Variants in RUFY3 observed in about 807,000 individuals in gnomAD.
The protein encoded by RUFY3 is RUN and FYVE domain containing 3.
A neutral mutation model predicts 84.0 loss-of-function variants in RUFY3; 34 were observed. The ratio of observed to expected loss-of-function variants is 0.40; its 90% CI spans 0.31 to 0.54. The LOEUF (loss-of-function observed/expected upper bound fraction) is 0.54. Among genes scored for constraint, RUFY3 ranks in the 20% least tolerant of loss-of-function variants. The pLI, the probability that RUFY3 is intolerant of heterozygous loss-of-function variation, is 0.39. For synonymous variants in RUFY3, 242 were observed against 252.9 expected, an observed-to-expected ratio of 0.96 and a Z score of 0.41; for missense variants, 507 against 736.8, an observed-to-expected ratio of 0.69 and a Z score of 3.61.
intron 1 of RUFY3, among the ~76,000 whole-genome samples, chr4:70,757,492 T>C (rs1009142930): frequency 1.4e-4 from 22 of 151,778 alleles, no homozygotes; most frequent in African/African-American, 5.3e-4. Context: ...TAATCCCAGA[T>C]ACTTGGGAGG....
At position 70,722,036 on chromosome 4, in the gene RUFY3, C is replaced by G; in HGVS notation, c.-538C>G. ...GCCAATCCTATGAGAACTCAGCATCCCAGCTCATCTGAGCAGATCCTGGAA... is the reference window on the plus strand; with the variant it reads ...GCCAATCCTATGAGAACTCAGCATCGCAGCTCATCTGAGCAGATCCTGGAA... On this transcript the variant is annotated 5_prime_UTR_variant, in exon 1 of 18. Coordinates refer to ENST00000381006, the MANE Select transcript of RUFY3 (RefSeq NM_001037442.4). 1 of 1,232,176 alleles carries G rather than the reference C, an allele frequency of 8.1e-7. No individual in the cohort carries two copies. Among genetic ancestry groups the G allele is most frequent in the East Asian group, 3.2e-5 (1 of 31,710 alleles). 76.3% of individuals were successfully genotyped at this position (1,232,176 alleles called of 1,614,324 possible). A position where few individuals can be genotyped will look rare whatever the true frequency, so the allele number is the denominator to read the frequency against.
At chr4:70,743,277 G>T (rs1242321785) in intron 1 of RUFY3, among the ~76,000 whole-genome samples, 1 of 151,878 alleles carries the variant, frequency 6.6e-6, no homozygotes. Context: ...TCAACATGTT[G>T]GCCAGGCTGG....
chr4:70,738,893 C>G (rs1720848175), intron 1 of RUFY3, among the ~76,000 whole-genome samples: 1 of 151,840 alleles, frequency 6.6e-6, no homozygotes, highest in Admixed American at 6.6e-5. Flanking sequence ...CTGTTTCAGT[C>G]TGTCAAGTAG....
rs1472818738 is a variant in RUFY3 at position 70,722,232 on chromosome 4, G to C, written c.-342G>C. 6 of 1,229,882 alleles carry C rather than the reference G, an allele frequency of 4.9e-6. No individual in the cohort carries two copies. Among genetic ancestry groups the C allele is most frequent in the Non-Finnish European group, 5.1e-6 (5 of 987,520 alleles). The allele number at this position is 1,229,882 out of a possible 1,614,324, so 76.2% of individuals were successfully genotyped here. On this transcript the variant is annotated 5_prime_UTR_variant, in exon 1 of 18. Transcript: ENST00000381006. Reference sequence around the variant, plus strand: ...CAGCTAAGGCAGCATCAGCTGTGCGGGATTTAAAGCCTATAGCTCAGCTGA... The same window carrying C: ...CAGCTAAGGCAGCATCAGCTGTGCGCGATTTAAAGCCTATAGCTCAGCTGA...
At chr4:70,768,497 A>ATAG in intron 4 of RUFY3, 41 bp from the exon 5 acceptor site, 1 of 1,598,650 alleles carries the variant, frequency 6.3e-7, no homozygotes, top group Non-Finnish European at 8.5e-7. Context: ...GATTTTTGAG[A>ATAG]TTTTTGTTAC....
intron 1 of RUFY3, among the ~76,000 whole-genome samples, chr4:70,715,160 G>A (rs995035798): frequency 1.3e-5 from 2 of 152,154 alleles, no homozygotes; most frequent in Admixed American, 6.5e-5. Context: ...TTGTGGTTCT[G>A]GGAAAGGAGG....
chr4:70,775,233 A>G lies in RUFY3; in HGVS notation c.824A>G (p.Asn275Ser), dbSNP rs1727732557. ...NYVEELNRHL[N>S]ATVNNLQAKV... The stretch of plus-strand genomic sequence containing the variant: ...GTAGAAGAACTGAACAGACATTTGA[A>G]GTAAATAATGAATAAATATATTACT... The change falls in exon 7 of 18, where the codon AAT (asparagine) becomes AGT (serine). Residue 275 changes from asparagine to serine, a missense_variant and splice_region_variant. Transcript: ENST00000381006. 1 of 1,570,216 alleles carries G rather than the reference A, an allele frequency of 6.4e-7. No individual in the cohort carries two copies. Among genetic ancestry groups the G allele is most frequent in the Non-Finnish European group, 8.7e-7 (1 of 1,145,490 alleles).
chr4:70,782,415 G>A (rs1307426639), intron 8 of RUFY3, among the ~76,000 whole-genome samples: 1 of 151,062 alleles, frequency 6.6e-6, no homozygotes, highest in African/African-American at 2.4e-5. Context: ...CTCCCGAGTA[G>A]CTGGGATTAC....
At chr4:70,732,685 C>T (rs1719476643) in intron 1 of RUFY3, among the ~76,000 whole-genome samples, 1 of 151,766 alleles carries the variant, frequency 6.6e-6, no homozygotes, top group Non-Finnish European at 1.5e-5. Context: ...CATGTTCTCA[C>T]TCATAAGTGG....
chr4:70,763,803 G>C lies in RUFY3; in HGVS notation c.470+134G>C. The C allele has an allele frequency of 5.6e-6, 6 of 1,068,856 alleles. No homozygotes were observed. In the South Asian group the frequency reaches 1.1e-4, roughly 20 times the overall value. The allele number at this position is 1,068,856 out of a possible 1,614,324, so 66.2% of individuals were successfully genotyped here. On this transcript the variant is annotated intron_variant, in intron 3 of 17. Transcript: ENST00000381006. ...CCAAAATGCATGATGTCATGAATAG[G>C]TGCTGACAGGAGAGAATTGGTATAC...
At chr4:70,749,813 CT>C (rs755693636) in intron 1 of RUFY3, among the ~76,000 whole-genome samples, 15 of 151,848 alleles carry the variant, frequency 9.9e-5, no homozygotes, top group Non-Finnish European at 2.2e-4. Flanking sequence ...CCACACCCAG[CT>C]AATTTTTTGT....
upstream of RUFY3, chr4:70,721,890 A>G: frequency 1.6e-6 from 2 of 1,230,982 alleles, no homozygotes; most frequent in Non-Finnish European, 2.0e-6. Context: ...CATCAGCAGC[A>G]TCTATAAAGC....
chr4:70,717,183 TA>T (rs1284692087), upstream of RUFY3, among the ~76,000 whole-genome samples: 1 of 152,200 alleles, frequency 6.6e-6, no homozygotes, highest in Non-Finnish European at 1.5e-5. Flanking sequence ...TTGCTATTTT[TA>T]AAAAGCGTAC....
intron 5 of RUFY3, among the ~76,000 whole-genome samples, chr4:70,773,129 T>A (rs1313749317): frequency 6.6e-6 from 1 of 152,212 alleles, no homozygotes; most frequent in Non-Finnish European, 1.5e-5. Flanking sequence ...CCCTTTTTTT[T>A]AGCTGTATTT....
intron 1 of RUFY3, among the ~76,000 whole-genome samples, chr4:70,705,525 G>A (rs1740202606): frequency 1.3e-5 from 2 of 150,256 alleles, no homozygotes; most frequent in African/African-American, 2.5e-5. Context: ...CGTCTCCCCA[G>A]GCCGCGGCTC....
At chr4:70,729,891 C>T (rs1166158826) in intron 1 of RUFY3, among the ~76,000 whole-genome samples, 2 of 146,016 alleles carry the variant, frequency 1.4e-5, no homozygotes, top group Non-Finnish European at 3.0e-5. Context: ...ATTAAAAATC[C>T]ACAAGTTATC....
chr4:70,761,398 A>G (rs928647259), intron 1 of RUFY3, among the ~76,000 whole-genome samples: 1 of 152,154 alleles, frequency 6.6e-6, no homozygotes, highest in Non-Finnish European at 1.5e-5. Flanking sequence ...TGGCTCTGTC[A>G]TTTATTATTG....
intron 17 of RUFY3, among the ~76,000 whole-genome samples, chr4:70,806,279 T>C (rs1196577558): frequency 6.6e-6 from 1 of 152,268 alleles, no homozygotes; most frequent in Admixed American, 6.5e-5. Context: ...GTGACTTGTA[T>C]GTTACCTGTT....
At chr4:70,759,929 A>G (rs188432014) in intron 1 of RUFY3, among the ~76,000 whole-genome samples, 2 of 152,294 alleles carry the variant, frequency 1.3e-5, no homozygotes, top group South Asian at 2.1e-4. Context: ...AGTGTTACCC[A>G]CTACTGGGTT....
Sources: gnomAD v4.1 joint callset for allele counts (sites outside exome capture counted in the v4.1 genomes callset) on GRCh38, gnomAD v4.1.1 for gene constraint, MANE v1.5 for transcripts, NCBI Gene and HGNC (gene_info 2026-07-23, HGNC 2026-07-21) for gene names.